CADM2: variants seen among roughly 807,000 people sequenced by gnomAD.
CADM2 encodes immunoglobulin superfamily member 4D.
In CADM2, 12 loss-of-function variants were observed where a neutral mutation model predicts 49.8. That is an observed-to-expected ratio of 0.24 (90% confidence interval 0.15 to 0.39). The LOEUF (loss-of-function observed/expected upper bound fraction) is 0.39, where lower values mean the gene tolerates loss of function less well. Among genes scored for constraint, CADM2 ranks in the 10% least tolerant of loss-of-function variants. The pLI, the probability that CADM2 is intolerant of heterozygous loss-of-function variation, is 1.00. For missense variants in CADM2, 378 were observed against 492.3 expected (o/e 0.77, Z 2.20); for synonymous variants, 214 against 175.4 (o/e 1.22, Z -1.74).
At chr3:85,464,323 A>G (rs1475455532) in intron 1 of CADM2, among the ~76,000 whole-genome samples, 5 of 152,092 alleles carry the variant, frequency 3.3e-5, no homozygotes, top group Non-Finnish European at 5.9e-5. Flanking sequence ...CCCTGCCACC[A>G]TCTTGAACTC....
intron 1 of CADM2, among the ~76,000 whole-genome samples, chr3:85,024,099 A>G (rs1378656922): frequency 6.6e-6 from 1 of 152,112 alleles, no homozygotes. Context: ...TGATTGAAAA[A>G]TACAGAACTG....
intron 7 of CADM2, among the ~76,000 whole-genome samples, chr3:85,945,107 T>G (rs938883582): frequency 4.3e-4 from 65 of 152,070 alleles, no homozygotes; most frequent in African/African-American, 1.3e-3. Flanking sequence ...TCACCACCGA[T>G]CCCACAGAAA....
intron 8 of CADM2, chr3:85,979,415 T>C (rs901649349): frequency 2.0e-6 from 2 of 1,000,280 alleles, no homozygotes; most frequent in Non-Finnish European, 2.9e-6. Flanking sequence ...CCTAAATTGC[T>C]ATCAATTAGG....
intron 1 of CADM2, among the ~76,000 whole-genome samples, chr3:85,294,174 G>T (rs931762298): frequency 6.6e-6 from 1 of 152,038 alleles, no homozygotes; most frequent in Non-Finnish European, 1.5e-5. Flanking sequence ...AATCATGAGT[G>T]AAATCCCATT....
At chr3:85,884,684 T>C (rs1713298564) in intron 4 of CADM2, among the ~76,000 whole-genome samples, 1 of 151,952 alleles carries the variant, frequency 6.6e-6, no homozygotes, top group South Asian at 2.1e-4. Context: ...TCCTGTTGTT[T>C]AATTTGTACT....
chr3:85,215,363 A>G (rs1457809693), intron 1 of CADM2, among the ~76,000 whole-genome samples: 3 of 150,460 alleles, frequency 2.0e-5, no homozygotes, highest in Non-Finnish European at 4.4e-5. Context: ...TTTTTTAAAA[A>G]AAAAAAAAAA....
At chr3:85,411,918 C>T (rs2035674342) in intron 1 of CADM2, among the ~76,000 whole-genome samples, 1 of 152,104 alleles carries the variant, frequency 6.6e-6, no homozygotes. Context: ...ACCTCTGCCT[C>T]CCAGGTTCAA....
At chr3:85,608,717 A>G (rs2063600829) in intron 1 of CADM2, among the ~76,000 whole-genome samples, 1 of 152,178 alleles carries the variant, frequency 6.6e-6, no homozygotes, top group African/African-American at 2.4e-5. Context: ...ACTCTCTAGG[A>G]TAATTGAAGC....
At chr3:86,040,516 G>C (rs541773193) in intron 8 of CADM2, among the ~76,000 whole-genome samples, 1 of 152,278 alleles carries the variant, frequency 6.6e-6, no homozygotes, top group South Asian at 2.1e-4. Flanking sequence ...AATGAAGCGA[G>C]AAGAGAAATT....
chr3:85,449,634 T>G (rs1455356315), intron 1 of CADM2, among the ~76,000 whole-genome samples: 4 of 152,054 alleles, frequency 2.6e-5, no homozygotes, highest in African/African-American at 9.7e-5. Flanking sequence ...CTCTCAACAT[T>G]GAATGTTTAT....
At chr3:85,608,273 T>A (rs1229459301) in intron 1 of CADM2, among the ~76,000 whole-genome samples, 1 of 152,134 alleles carries the variant, frequency 6.6e-6, no homozygotes, top group Non-Finnish European at 1.5e-5. Context: ...TCAACTAATA[T>A]CACAGACTTG....
chr3:85,720,746 G>A (rs1354287529), intron 1 of CADM2, among the ~76,000 whole-genome samples: 1 of 152,108 alleles, frequency 6.6e-6, no homozygotes, highest in Non-Finnish European at 1.5e-5. Flanking sequence ...GAAAAAATGT[G>A]TTTAACTTTG....
intron 1 of CADM2, among the ~76,000 whole-genome samples, chr3:85,563,912 C>T (rs931262283): frequency 1.3e-5 from 2 of 152,090 alleles, no homozygotes; most frequent in Non-Finnish European, 2.9e-5. Flanking sequence ...TTAAATAGAT[C>T]ATAGCTATTT....
At chr3:85,356,678 G>A (rs1174872486) in intron 1 of CADM2, among the ~76,000 whole-genome samples, 1 of 152,078 alleles carries the variant, frequency 6.6e-6, no homozygotes, top group Non-Finnish European at 1.5e-5. Context: ...TAATAACATA[G>A]TAGAACTAAG....
chr3:85,413,034 G>A (rs1251717294), intron 1 of CADM2, among the ~76,000 whole-genome samples: 1 of 149,708 alleles, frequency 6.7e-6, no homozygotes, highest in East Asian at 2.0e-4. Context: ...CCAGCTATGC[G>A]GGAGGCTGAG....
In CADM2 at chr3:85,839,977, A is replaced by G. The variant is rs2074571717; in HGVS notation, c.238+37781A>G. On this transcript the variant is annotated intron_variant, in intron 3 of 9. Transcript: ENST00000383699. ...CACAGGGACATGTTCATTAACGAGA[A>G]TAAAGATTCTACTCAGAATTGTATA... 1.3e-5 allele frequency among the ~76,000 whole-genome samples: 2 copies of G among 151,904 alleles called. 1 individual carries two copies. The highest frequency in any genetic ancestry group is 1.3e-4 in the Admixed American group (2 of 15,200).
intron 1 of CADM2, among the ~76,000 whole-genome samples, chr3:85,415,079 C>A (rs2035853305): frequency 6.6e-6 from 1 of 152,136 alleles, no homozygotes. Flanking sequence ...TTATTCTAAA[C>A]CGCTGAGACT....
chr3:85,456,972 A>C (rs965500035), intron 1 of CADM2, among the ~76,000 whole-genome samples: 7 of 152,118 alleles, frequency 4.6e-5, no homozygotes, highest in Admixed American at 3.3e-4. Flanking sequence ...AAATTGGAAC[A>C]ATTTTATTCC....
At chr3:85,711,959 C>T (rs1037278311) in intron 1 of CADM2, among the ~76,000 whole-genome samples, 2 of 152,112 alleles carry the variant, frequency 1.3e-5, no homozygotes, top group Admixed American at 6.5e-5. Context: ...TTACCTGTAG[C>T]GTAGTATGAT....
Sources: gnomAD v4.1 joint callset for allele counts (sites outside exome capture counted in the v4.1 genomes callset) on GRCh38, gnomAD v4.1.1 for gene constraint, MANE v1.5 for transcripts, NCBI Gene and HGNC (gene_info 2026-07-23, HGNC 2026-07-21) for gene names.